Variants in CTNNA2 observed in about 807,000 individuals in gnomAD.
CTNNA2 encodes the protein catenin alpha-2.
CTNNA2 carries 42 observed loss-of-function variants against 101.0 expected under a neutral mutation model. The ratio of observed to expected loss-of-function variants is 0.42; its 90% CI spans 0.32 to 0.54. The LOEUF is 0.54. CTNNA2 is among the 20% of genes least tolerant of loss of function. CTNNA2 has a pLI of 0.14. For synonymous variants in CTNNA2, 450 were observed against 456.4 expected (o/e 0.99, Z 0.18); for missense variants, 871 against 1,223.1 (o/e 0.71, Z 4.29).
chr2:79,445,939 A>G (rs968132050), intron 4 of CTNNA2, among the ~76,000 whole-genome samples: 1 of 152,146 alleles, frequency 6.6e-6, no homozygotes, highest in African/African-American at 2.4e-5. Flanking sequence ...TTTTTTATTT[A>G]TAGTTCATAA....
intron 3 of CTNNA2, among the ~76,000 whole-genome samples, chr2:79,850,749 T>C (rs1172611671): frequency 6.6e-6 from 1 of 152,210 alleles, no homozygotes; most frequent in Non-Finnish European, 1.5e-5. Context: ...AGGGTGACAA[T>C]GAGAACACTT....
chr2:79,189,643 G>T (rs2104157145), intron 1 of CTNNA2, among the ~76,000 whole-genome samples: 1 of 152,286 alleles, frequency 6.6e-6, no homozygotes, highest in Non-Finnish European at 1.5e-5. Flanking sequence ...TCTGTGTTTG[G>T]TAATTGGCTT....
intron 7 of CTNNA2, among the ~76,000 whole-genome samples, chr2:80,346,338 TG>T (rs150606071): frequency 0.017 from 2,560 of 152,166 alleles, 74 homozygotes; most frequent in African/African-American, 0.057. Context: ...GAAGGTGAAG[TG>T]GGAGCAGGCA....
intron 7 of CTNNA2, among the ~76,000 whole-genome samples, chr2:80,070,880 C>T (rs1698298160): frequency 6.6e-6 from 1 of 152,132 alleles, no homozygotes; most frequent in Non-Finnish European, 1.5e-5. Flanking sequence ...AGTCTCTGCC[C>T]ATGGTCACAT....
chr2:79,379,066 AT>A (rs1180758515), intron 4 of CTNNA2, among the ~76,000 whole-genome samples: 1 of 152,126 alleles, frequency 6.6e-6, no homozygotes, highest in African/African-American at 2.4e-5. Context: ...AATTACTGAA[AT>A]CATATGCATT....
chr2:79,611,963 A>G (rs535039792), intron 1 of CTNNA2, among the ~76,000 whole-genome samples: 1 of 152,134 alleles, frequency 6.6e-6, no homozygotes, highest in Non-Finnish European at 1.5e-5. Context: ...CCCATCTAGC[A>G]GATCTCCCAT....
chr2:79,889,108 G>A (rs1684112111), intron 6 of CTNNA2, among the ~76,000 whole-genome samples: 1 of 152,048 alleles, frequency 6.6e-6, no homozygotes, highest in Non-Finnish European at 1.5e-5. Context: ...CTATGTTACA[G>A]TGCTGGGAAC....
rs993469231 is a variant in CTNNA2, at chr2:80,047,488, G to T, written c.1056+137691G>T. ...CCCTTATGATTCCTTAGGGGGTTAG[G>T]GAAGAAGACAGTCCCTGAAGAACTT... On this transcript the variant is annotated intron_variant, in intron 7 of 18. Transcript: ENST00000402739. Among the ~76,000 whole-genome samples the T allele has an allele frequency of 2.0e-5, 3 of 152,148 alleles. No homozygotes were observed. The East Asian group carries it at 5.8e-4, about 29-fold the overall frequency.
chr2:80,104,463 T>C (rs1256096143), intron 7 of CTNNA2, among the ~76,000 whole-genome samples: 2 of 152,184 alleles, frequency 1.3e-5, no homozygotes, highest in Non-Finnish European at 2.9e-5. Flanking sequence ...TGTTTGGTCT[T>C]TGCAGCCAAG....
At chr2:79,572,132 A>G (rs1675495762) in intron 1 of CTNNA2, among the ~76,000 whole-genome samples, 1 of 152,048 alleles carries the variant, frequency 6.6e-6, no homozygotes, top group Admixed American at 6.6e-5. Flanking sequence ...TCTTCCAGTA[A>G]TTTTATGAGA....
At chr2:80,643,920 TCA>T (rs1558674351) in intron 18 of CTNNA2, among the ~76,000 whole-genome samples, 1 of 152,108 alleles carries the variant, frequency 6.6e-6, no homozygotes, top group Non-Finnish European at 1.5e-5. Flanking sequence ...AGACTAAGAA[TCA>T]CAGATTGTGA....
chr2:80,427,573 G>C (rs933721278), intron 9 of CTNNA2, among the ~76,000 whole-genome samples: 9 of 152,174 alleles, frequency 5.9e-5, no homozygotes, highest in African/African-American at 2.2e-4. Flanking sequence ...TTAGACAAGG[G>C]AATCTCAATT....
At chr2:79,512,835 C>A (rs1671593218), upstream of CTNNA2, among the ~76,000 whole-genome samples, 1 of 151,444 alleles carries the variant, frequency 6.6e-6, no homozygotes, top group African/African-American at 2.4e-5. Context: ...ACCCAGCCAC[C>A]CCTCGATGCC....
At chr2:79,320,284 T>A (rs906016407) in intron 3 of CTNNA2, among the ~76,000 whole-genome samples, 1 of 146,120 alleles carries the variant, frequency 6.8e-6, no homozygotes, top group African/African-American at 2.6e-5. Context: ...TTTTTTTTTT[T>A]ACCAAGATCT....
chr2:80,574,076 C>G, intron 12 of CTNNA2, 87 bp from the exon 13 acceptor site: 2 of 1,423,312 alleles, frequency 1.4e-6, no homozygotes, highest in Non-Finnish European at 1.9e-6. Context: ...TTAGAATGCC[C>G]GAGGACCTGC....
intron 7 of CTNNA2, among the ~76,000 whole-genome samples, chr2:80,290,964 T>G (rs543768677): frequency 2.0e-5 from 3 of 152,178 alleles, no homozygotes; most frequent in Non-Finnish European, 4.4e-5. Flanking sequence ...TAGTATAGAT[T>G]CAAGTATTGA....
intron 3 of CTNNA2, among the ~76,000 whole-genome samples, chr2:79,852,049 T>G (rs1041576590): frequency 6.6e-6 from 1 of 152,176 alleles, no homozygotes; most frequent in African/African-American, 2.4e-5. Flanking sequence ...TCTCTCATCT[T>G]TTCTAAGAAT....
At chr2:79,738,679 G>A (rs759599106) in intron 2 of CTNNA2, among the ~76,000 whole-genome samples, 2 of 152,236 alleles carry the variant, frequency 1.3e-5, no homozygotes, top group Non-Finnish European at 2.9e-5. Context: ...GGCACTAAAT[G>A]TGGTAGAATG....
intron 7 of CTNNA2, among the ~76,000 whole-genome samples, chr2:80,211,992 G>A (rs186120232): frequency 1.1e-3 from 174 of 152,276 alleles, no homozygotes; most frequent in Non-Finnish European, 1.8e-3. Context: ...ATGAATGGGA[G>A]TTCACTCATG....
Sources: allele counts gnomAD v4.1 joint callset (sites outside exome capture counted in the v4.1 genomes callset), GRCh38; gene constraint gnomAD v4.1.1; transcripts MANE v1.5; gene names NCBI Gene and HGNC (gene_info 2026-07-23, HGNC 2026-07-21).